The following ROBO1 variants were observed in gnomAD, a reference collection of about 807,000 sequenced individuals.
ROBO1 encodes the protein roundabout guidance receptor 1.
A neutral mutation model predicts 195.9 loss-of-function variants in ROBO1; 149 were observed. The observed-to-expected ratio is 0.76, with a 90% CI of 0.67 to 0.87. The LOEUF (loss-of-function observed/expected upper bound fraction) is 0.87. ROBO1 is among the 40% of genes least tolerant of loss of function. The pLI, the probability that ROBO1 is intolerant of heterozygous loss-of-function variation, is 0.00. For synonymous variants in ROBO1, 816 were observed against 733.2 expected, an observed-to-expected ratio of 1.11 and a Z score of -1.82; for missense variants, 1,933 against 2,068.3, an observed-to-expected ratio of 0.93 and a Z score of 1.27.
At chr3:79,319,252 C>T (rs946466022) in intron 2 of ROBO1, among the ~76,000 whole-genome samples, 3 of 152,098 alleles carry the variant, frequency 2.0e-5, no homozygotes, top group African/African-American at 7.2e-5. Context: ...CTAGTGGCTA[C>T]CACATTGAAC....
At chr3:79,722,709 C>T (rs1285062741) in intron 1 of ROBO1, among the ~76,000 whole-genome samples, 1 of 152,168 alleles carries the variant, frequency 6.6e-6, no homozygotes, top group African/African-American at 2.4e-5. Flanking sequence ...TGTGCAGCCT[C>T]CTATTCTTTA....
intron 2 of ROBO1, among the ~76,000 whole-genome samples, chr3:79,534,917 C>A (rs990927074): frequency 3.3e-5 from 5 of 152,110 alleles, no homozygotes; most frequent in African/African-American, 4.8e-5. Flanking sequence ...TGCAGCTTTA[C>A]CTCTGACACT....
intron 3 of ROBO1, among the ~76,000 whole-genome samples, chr3:79,023,957 AC>A (rs2078154852): frequency 6.7e-6 from 1 of 149,002 alleles, no homozygotes; most frequent in Admixed American, 6.7e-5. Context: ...TTATCTGCCC[AC>A]CTCAGCCTCC....
At chr3:79,582,841 TG>T (rs1166913833) in intron 2 of ROBO1, among the ~76,000 whole-genome samples, 1 of 152,046 alleles carries the variant, frequency 6.6e-6, no homozygotes, top group Non-Finnish European at 1.5e-5. Flanking sequence ...CACTTAGCAC[TG>T]CACCTTGGCA....
At chr3:79,766,437 A>G (rs943807673) in intron 1 of ROBO1, among the ~76,000 whole-genome samples, 3 of 150,982 alleles carry the variant, frequency 2.0e-5, no homozygotes, top group Non-Finnish European at 4.4e-5. Context: ...CCCCCACCCC[A>G]CCCATCTGCG....
chr3:78,898,374 G>A (rs2037371949), intron 4 of ROBO1, among the ~76,000 whole-genome samples: 1 of 142,298 alleles, frequency 7.0e-6, no homozygotes, highest in Admixed American at 7.0e-5. Flanking sequence ...TAGATAGATA[G>A]ATAGGGTTTT....
chr3:79,471,960 A>T (rs547737752), intron 2 of ROBO1, among the ~76,000 whole-genome samples: 6 of 152,178 alleles, frequency 3.9e-5, no homozygotes, highest in Non-Finnish European at 8.8e-5. Context: ...GGGGAGGGAT[A>T]ACATTAGGAG....
intron 2 of ROBO1, among the ~76,000 whole-genome samples, chr3:79,275,995 C>G (rs893135480): frequency 1.3e-5 from 2 of 151,810 alleles, no homozygotes; most frequent in African/African-American, 4.8e-5. Context: ...AAATGGAAAG[C>G]TATTCCATGT....
chr3:78,751,482 T>C (rs901354247), intron 4 of ROBO1, among the ~76,000 whole-genome samples: 5 of 152,148 alleles, frequency 3.3e-5, no homozygotes, highest in African/African-American at 1.2e-4. Flanking sequence ...TAGGATGCAG[T>C]GGCCAAGCTA....
At chr3:79,556,182 T>G (rs1167799466) in intron 2 of ROBO1, among the ~76,000 whole-genome samples, 1 of 152,132 alleles carries the variant, frequency 6.6e-6, no homozygotes, top group Non-Finnish European at 1.5e-5. Flanking sequence ...AGAGAAATTT[T>G]AATATGCAGT....
rs566120840 is a variant in ROBO1, at chr3:78,988,157, A to C, written c.173-49230T>G. ...ACCTAACTATCCAAATGTCATTTTC[A>C]CTTGAGTGGACTTTAAAATCTTGCT... On this transcript the variant is annotated intron_variant, in intron 3 of 30. Coordinates refer to ENST00000464233, the MANE Select transcript of ROBO1 (RefSeq NM_002941.4). Among the ~76,000 whole-genome samples, 4 of 152,216 alleles carry C rather than the reference A, an allele frequency of 2.6e-5. No homozygotes were observed. In the East Asian group the frequency reaches 7.7e-4, roughly 29 times the overall value.
intron 1 of ROBO1, among the ~76,000 whole-genome samples, chr3:79,680,396 C>G (rs540639730): frequency 6.6e-6 from 1 of 152,032 alleles, no homozygotes; most frequent in South Asian, 2.1e-4. Flanking sequence ...CTCATACTTG[C>G]TAATGAAAAT....
chr3:79,427,726 C>A (rs575166821), intron 2 of ROBO1, among the ~76,000 whole-genome samples: 1 of 152,252 alleles, frequency 6.6e-6, no homozygotes, highest in African/African-American at 2.4e-5. Flanking sequence ...GTTGGGAAAA[C>A]TGGATTTCCG....
At chr3:79,614,541 A>C (rs2107938435) in intron 1 of ROBO1, among the ~76,000 whole-genome samples, 1 of 152,260 alleles carries the variant, frequency 6.6e-6, no homozygotes, top group African/African-American at 2.4e-5. Flanking sequence ...TCAATGTATA[A>C]AAATTAATTG....
At chr3:79,399,117 C>T (rs562523062) in intron 2 of ROBO1, among the ~76,000 whole-genome samples, 1 of 152,196 alleles carries the variant, frequency 6.6e-6, no homozygotes, top group African/African-American at 2.4e-5. Context: ...ATTCCTTGGT[C>T]CCTTACTATG....
chr3:79,303,618 T>C (rs1177996530), intron 2 of ROBO1, among the ~76,000 whole-genome samples: 1 of 152,022 alleles, frequency 6.6e-6, no homozygotes, highest in African/African-American at 2.4e-5. Flanking sequence ...TAGCCTTTGA[T>C]CAATAAATAA....
At position 79,498,021 on chromosome 3, in the gene ROBO1, C is replaced by T. The variant is rs1939842151; in HGVS notation, c.88+91803G>A. 2.0e-5 allele frequency among the ~76,000 whole-genome samples: 3 copies of T among 152,016 alleles called. No individual in the cohort carries two copies. The South Asian group carries it at 6.2e-4, about 32-fold the overall frequency. On this transcript the variant is annotated intron_variant, in intron 2 of 30. Coordinates refer to ENST00000464233, the MANE Select transcript of ROBO1 (RefSeq NM_002941.4). ...ATTTTTGCTGAGCAATGTTACCTAA[C>T]CTGATTGTATGAAACTATCATCGAA...
At chr3:79,139,437 A>T (rs2080476962) in intron 2 of ROBO1, among the ~76,000 whole-genome samples, 1 of 152,092 alleles carries the variant, frequency 6.6e-6, no homozygotes, top group Non-Finnish European at 1.5e-5. Context: ...TCTTAAAGTA[A>T]TTGGGGAAAT....
chr3:78,700,547 C>CGG (rs1271242053), intron 8 of ROBO1, among the ~76,000 whole-genome samples: 3 of 152,162 alleles, frequency 2.0e-5, no homozygotes, highest in African/African-American at 7.2e-5. Context: ...ATTACATAAA[C>CGG]ATTCTCCATC....
Sources: gnomAD v4.1 joint callset for allele counts (sites outside exome capture counted in the v4.1 genomes callset) on GRCh38, gnomAD v4.1.1 for gene constraint, MANE v1.5 for transcripts, NCBI Gene and HGNC (gene_info 2026-07-23, HGNC 2026-07-21) for gene names.